The following SLC19A3 variants were observed in gnomAD, a reference collection of about 807,000 sequenced individuals.
SLC19A3 encodes the protein thiamine transporter 2.
Under a neutral mutation model 40.2 loss-of-function variants are expected in SLC19A3, and 31 were observed. The observed-to-expected ratio is 0.77, with a 90% CI of 0.58 to 1.04. SLC19A3 has a LOEUF of 1.04. Ranked by LOEUF, SLC19A3 falls within the 50% of genes least tolerant of loss-of-function variation. The pLI is 0.00. For synonymous variants in SLC19A3, 212 were observed against 227.5 expected, an observed-to-expected ratio of 0.93 and a Z score of 0.61; for missense variants, 592 against 596.7, an observed-to-expected ratio of 0.99 and a Z score of 0.08.
rs367620430 is a variant in SLC19A3, at chr2:227,699,360, C to T, written c.355G>A (p.Ala119Thr). Reference sequence around the variant, plus strand: ...ATGTAGGCGTAGTAGGCCACCTCGGCGGCGGTGACCATCCCATAGAAGAAC... The same window carrying T: ...ATGTAGGCGTAGTAGGCCACCTCGGTGGCGGTGACCATCCCATAGAAGAAC... The part of the protein sequence containing the change: ...VEFFYGMVTA[A>T]EVAYYAYIYS... The change falls in exon 3 of 6, where the codon GCC becomes ACC. Residue 119 changes from alanine (A) to threonine (T), a missense_variant. Physicochemically the swap from Ala to Thr is moderately conservative, Grantham distance 58. Coordinates refer to ENST00000644224, the MANE Select transcript of SLC19A3 (RefSeq NM_025243.4). 6.8e-6 allele frequency: 11 copies of T among 1,614,004 alleles called. No individual in the cohort carries two copies. The highest frequency in any genetic ancestry group is 6.7e-5 in the Admixed American group (4 of 59,984).
At chr2:227,715,358 T>G (rs1250317790) in intron 1 of SLC19A3, among the ~76,000 whole-genome samples, 1 of 152,180 alleles carries the variant, frequency 6.6e-6, no homozygotes, top group Non-Finnish European at 1.5e-5. Flanking sequence ...TTCTGTTGTT[T>G]GTTTTTGTAA....
At chr2:227,688,709 A>G (rs891884900) in intron 4 of SLC19A3, among the ~76,000 whole-genome samples, 5 of 152,180 alleles carry the variant, frequency 3.3e-5, no homozygotes, top group African/African-American at 1.2e-4. Flanking sequence ...CAACTCTTCA[A>G]TACCCTGACA....
chr2:227,690,136 T>C (rs1427372731), intron 4 of SLC19A3, among the ~76,000 whole-genome samples: 1 of 152,148 alleles, frequency 6.6e-6, no homozygotes, highest in Admixed American at 6.5e-5. Flanking sequence ...AGTAAGTCCT[T>C]ACTTATCAAT....
At chr2:227,713,323 G>A (rs1466149972) in intron 1 of SLC19A3, among the ~76,000 whole-genome samples, 3 of 150,100 alleles carry the variant, frequency 2.0e-5, no homozygotes, top group African/African-American at 7.4e-5. Context: ...AATCCCTTGA[G>A]CCCAGGATAT....
At chr2:227,701,208 G>T (rs1407259885) in intron 2 of SLC19A3, 4 of 720,400 alleles carry the variant, frequency 5.6e-6, no homozygotes, top group Non-Finnish European at 8.0e-6. Flanking sequence ...GCACCCATCA[G>T]CCTTGCAGGC....
chr2:227,702,171 C>G lies in SLC19A3; in HGVS notation c.148G>C (p.Glu50Gln). The stretch of plus-strand genomic sequence containing the variant: ...GATATGTATGTATGTTAACTTACCT[C>G]TGCACTGGTCAGGTTTTTATCTGGT... ...SGPDKNLTSA[E>Q]ITNEIFPVWT... is the part of the protein sequence containing the mutation. Residue 50 changes from glutamate (E) to glutamine (Q), a missense_variant and splice_region_variant, in exon 2 of 6, where the codon GAG (glutamate) becomes CAG (glutamine). Glu to Gln is a conservative substitution (Grantham distance 29). Coordinates refer to ENST00000644224, the MANE Select transcript of SLC19A3 (RefSeq NM_025243.4). 6.2e-7 allele frequency: 1 copy of G among 1,613,104 alleles called. No homozygotes were observed. Among genetic ancestry groups the G allele is most frequent in the Non-Finnish European group, 8.5e-7 (1 of 1,179,184 alleles).
intron 1 of SLC19A3, among the ~76,000 whole-genome samples, chr2:227,713,965 C>T (rs1012868): frequency 0.027 from 4,095 of 149,790 alleles, 94 homozygotes; most frequent in African/African-American, 0.066. Context: ...ATCACAACTA[C>T]GGTCATCTTG....
In SLC19A3 at chr2:227,688,273, A is replaced by G. The variant is rs1400600019; in HGVS notation, c.1207T>C (p.Tyr403His). Residue 403 changes from tyrosine to histidine, a missense_variant, in exon 5 of 6, where the codon TAT (tyrosine) becomes CAT (histidine). Tyr to His is a moderately conservative substitution (Grantham distance 83). Coordinates refer to ENST00000644224, the MANE Select transcript of SLC19A3 (RefSeq NM_025243.4). The part of the protein sequence containing the change: ...QIAVNLNVER[Y>H]ALVFGINTFI... ...GTGTTGATTCCAAATACCAAGGCAT[A>G]GCGTTCCACATTCAGATTAACTGCA... 1 of 1,614,052 alleles carries G rather than the reference A, an allele frequency of 6.2e-7. No individual in the cohort carries two copies. The highest frequency in any genetic ancestry group is 1.7e-5 in the Admixed American group (1 of 60,022).
intron 3 of SLC19A3, 74 bp downstream of exon 3, chr2:227,698,662 T>C: frequency 1.5e-6 from 2 of 1,318,874 alleles, no homozygotes; most frequent in African/African-American, 1.4e-5. Flanking sequence ...TTCGCTGCCA[T>C]GAAGTTCGGT....
Position 227,686,876 on chromosome 2 carries a change from AT to A in SLC19A3, c.*520del, listed in dbSNP as rs1695035779. The A allele has an allele frequency of 6.6e-6, 1 of 152,454 alleles. No individual in the cohort carries two copies. The highest frequency in any genetic ancestry group is 2.4e-5 in the African/African-American group (1 of 41,466). 9.4% of individuals were successfully genotyped at this position (152,454 alleles called of 1,614,324 possible). A position where few individuals can be genotyped will look rare whatever the true frequency, so the allele number is the denominator to read the frequency against. On this transcript the variant is annotated 3_prime_UTR_variant, in exon 6 of 6. Transcript: ENST00000644224. ...AGAAGCCCTTAGAAATGGGACAAACATTGTAATTCTCTTAGAGAACTGTAAC... is the reference window on the plus strand; with the variant it reads ...AGAAGCCCTTAGAAATGGGACAAACATGTAATTCTCTTAGAGAACTGTAAC...
In SLC19A3 at chr2:227,698,809, C is replaced by T. The variant is rs773509133; in HGVS notation, c.906G>A (p.Leu302=). ...CTTGGGATGGCGCCTTGTAATCCCA[C>T]AGGATTTGAACATAGTTCAAAACCT... ...FNQVLNYVQI[L]WDYKAPSQDS... is the part of the protein sequence containing the mutation. Residue 302 remains leucine (L), a synonymous_variant, in exon 3 of 6, where the codon CTG becomes CTA. Transcript: ENST00000644224. 1.2e-6 allele frequency: 2 copies of T among 1,614,220 alleles called. No homozygotes were observed. Among genetic ancestry groups the T allele is most frequent in the Non-Finnish European group, 1.7e-6 (2 of 1,180,052 alleles).
chr2:227,699,107 G>A lies in SLC19A3; in HGVS notation c.608C>T (p.Pro203Leu). The change falls in exon 3 of 6, where the codon CCC becomes CTC. Residue 203 changes from proline to leucine, a missense_variant. Transcript: ENST00000644224. ...TGATGACTTCTTTATTTCTCTGCTG[G>A]GTTTTGCATGAAAAAACATGCTTTT... Reference protein sequence around the residue: ...PKKSMFFHAKPSREIKKSSSV... With the variant: ...PKKSMFFHAKLSREIKKSSSV... The A allele has an allele frequency of 2.5e-6, 4 of 1,614,136 alleles. No homozygotes were observed. The highest frequency in any genetic ancestry group is 1.1e-5 in the South Asian group (1 of 91,074).
In SLC19A3 at chr2:227,703,336, A is replaced by G. The variant is rs555124636; in HGVS notation, c.-2-1016T>C. On this transcript the variant is annotated intron_variant, in intron 1 of 5. Transcript: ENST00000644224. This position sits in a 1 kb window ranked among gnomAD's most constrained non-coding sequence, Gnocchi z 4.7. ...AGGTATCCAGTGGGTGGGGAGCTTT[A>G]CTAGGGGTTGGGGAGGTAGGAAGGA... 3.9e-5 allele frequency among the ~76,000 whole-genome samples: 6 copies of G among 152,180 alleles called. No individual in the cohort carries two copies. Among genetic ancestry groups the G allele is most frequent in the Admixed American group, 3.9e-4 (6 of 15,282 alleles).
In SLC19A3 at chr2:227,686,567, C is replaced by G. The variant is rs1436675928; in HGVS notation, c.*830G>C. 1 of 152,520 alleles carries G rather than the reference C, an allele frequency of 6.6e-6. No individual in the cohort carries two copies. Among genetic ancestry groups the G allele is most frequent in the East Asian group, 1.9e-4 (1 of 5,192 alleles). 9.4% of individuals were successfully genotyped at this position (152,520 alleles called of 1,614,324 possible). A position where few individuals can be genotyped will look rare whatever the true frequency, so the allele number is the denominator to read the frequency against. On this transcript the variant is annotated 3_prime_UTR_variant, in exon 6 of 6. Transcript: ENST00000644224. ...CCTCTGGCCTCAAGCAAAACTCCCACCTTGGCCTCCCAAATTGCTCGGATT... is the reference window on the plus strand; with the variant it reads ...CCTCTGGCCTCAAGCAAAACTCCCAGCTTGGCCTCCCAAATTGCTCGGATT...
chr2:227,710,599 AT>A (rs1696102901), intron 1 of SLC19A3, among the ~76,000 whole-genome samples: 1 of 152,120 alleles, frequency 6.6e-6, no homozygotes, highest in African/African-American at 2.4e-5. Flanking sequence ...CTCTTTAAAT[AT>A]TAAAAAAAAG....
intron 1 of SLC19A3, among the ~76,000 whole-genome samples, chr2:227,712,518 G>A (rs1696177414): frequency 6.6e-6 from 1 of 152,110 alleles, no homozygotes; most frequent in Non-Finnish European, 1.5e-5. Context: ...GGCTACAGAG[G>A]CCAGCATACC....
At chr2:227,694,292 C>T (rs1040985270) in intron 4 of SLC19A3, among the ~76,000 whole-genome samples, 2 of 152,104 alleles carry the variant, frequency 1.3e-5, no homozygotes, top group Non-Finnish European at 2.9e-5. Flanking sequence ...CAGGCGGGAG[C>T]CACTGTGCCC....
In SLC19A3 at chr2:227,701,338, G is replaced by A. The variant is rs114402976; in HGVS notation, c.150+831C>T. On this transcript the variant is annotated intron_variant, in intron 2 of 5. Transcript: ENST00000644224. ...TGTTGTACTTCTTATAAAGAAATGC[G>A]AGGCCGGTGGCGGTGGCTCACGCCT... The A allele has an allele frequency of 4.5e-3, 930 of 204,412 alleles. 10 individuals carry two copies. Among genetic ancestry groups the A allele is most frequent in the African/African-American group, 0.021 (875 of 42,556 alleles). The allele number at this position is 204,412 out of a possible 1,614,324, so 12.7% of individuals were successfully genotyped here.
At chr2:227,697,548 G>A (rs1695484479) in intron 3 of SLC19A3, among the ~76,000 whole-genome samples, 2 of 152,110 alleles carry the variant, frequency 1.3e-5, no homozygotes, top group Non-Finnish European at 1.5e-5. Flanking sequence ...AATTGTTATA[G>A]GTGCATGCTA....
Sources: gnomAD v4.1 joint callset for allele counts (sites outside exome capture counted in the v4.1 genomes callset) on GRCh38, gnomAD v4.1.1 for gene constraint, Gnocchi (gnomAD v3.1) non-coding constraint, MANE v1.5 for transcripts, NCBI Gene and HGNC (gene_info 2026-07-23, HGNC 2026-07-21) for gene names.